RARA: variants seen among roughly 807,000 people sequenced by gnomAD.
The protein encoded by RARA is retinoic acid receptor alpha, also known as PML-DDX5-RARA fusion.
RARA carries 5 observed loss-of-function variants against 42.8 expected under a neutral mutation model. The observed-to-expected ratio is 0.12, with a 90% CI of 0.06 to 0.25. The LOEUF (loss-of-function observed/expected upper bound fraction) is 0.25, where lower values mean the gene tolerates loss of function less well. Ranked by LOEUF, RARA falls within the 10% of genes least tolerant of loss-of-function variation. The probability of loss-of-function intolerance (pLI) is 1.00; values close to 1 mark genes in which losing one functional copy is unlikely to be tolerated. For synonymous variants in RARA, 256 were observed against 259.5 expected (o/e 0.99, Z 0.13); for missense variants, 402 against 628.7 (o/e 0.64, Z 3.86).
intron 1 of RARA, among the ~76,000 whole-genome samples, chr17:40,315,171 TACACAC>T (rs71355449): frequency 1.7e-4 from 13 of 76,560 alleles, no homozygotes; most frequent in African/African-American, 7.0e-4. Flanking sequence ...TATATATATA[TACACAC>T]ACACACACAC....
Position 40,355,539 on chromosome 17 carries a change from T to A in RARA, c.1171+118T>A. ...AATACGACACCTGTCCCCATCTGTG[T>A]CTAGGCTGAGGTCCCCTAGTGACTC... On this transcript the variant is annotated intron_variant, in intron 8 of 8. Coordinates refer to ENST00000254066, the MANE Select transcript of RARA (RefSeq NM_000964.4). This position sits in a 1 kb window ranked among gnomAD's most constrained non-coding sequence, Gnocchi z 4.1. 1 of 1,373,122 alleles carries A rather than the reference T, an allele frequency of 7.3e-7. No individual in the cohort carries two copies. The highest frequency in any genetic ancestry group is 9.8e-7 in the Non-Finnish European group (1 of 1,024,448). The allele number at this position is 1,373,122 out of a possible 1,614,324, so 85.1% of individuals were successfully genotyped here. A position where few individuals can be genotyped will look rare whatever the true frequency, so the allele number is the denominator to read the frequency against.
chr17:40,339,162 G>A (rs1236229308), intron 2 of RARA, among the ~76,000 whole-genome samples: 1 of 152,242 alleles, frequency 6.6e-6, no homozygotes, highest in East Asian at 1.9e-4. Flanking sequence ...ATAGTGAGGG[G>A]CAGGGTAGAG....
chr17:40,356,773 A>T lies in RARA; in HGVS notation c.*547A>T. The T allele has an allele frequency of 2.0e-6, 1 of 511,368 alleles. No individual in the cohort carries two copies. The highest frequency in any genetic ancestry group is 1.9e-5 in the African/African-American group (1 of 51,710). The allele number at this position is 511,368 out of a possible 1,614,324, so 31.7% of individuals were successfully genotyped here. On this transcript the variant is annotated 3_prime_UTR_variant, in exon 9 of 9. Coordinates refer to ENST00000254066, the MANE Select transcript of RARA (RefSeq NM_000964.4). ...TAATTTTTTTGTTTTGATTTTTTTA[A>T]TAAGAATTTTCATTTTAAGCACATT...
intron 2 of RARA, chr17:40,342,478 C>G (rs1174474761): frequency 2.5e-5 from 31 of 1,254,810 alleles, no homozygotes; most frequent in Middle Eastern, 3.0e-4. Flanking sequence ...CGGACCCCCC[C>G]TCCCAGCACA....
At chr17:40,350,281 C>G (rs2034400379) in intron 4 of RARA, 1 of 242,010 alleles carries the variant, frequency 4.1e-6, no homozygotes, top group African/African-American at 2.3e-5. Context: ...CATAGGCAGT[C>G]CCTTCTGATT....
At position 40,331,302 on chromosome 17, in the gene RARA, C is replaced by T. The variant is rs2033684389; in HGVS notation, c.84C>T (p.Phe28=). The change falls in exon 2 of 9, where the codon TTC becomes TTT. Residue 28 remains phenylalanine, a synonymous_variant. Transcript: ENST00000254066. ...CGGTGCCTCCCTACGCCTTCTTCTT[C>T]CCCCCTATGCTGGGTGGACTCTCCC... The part of the protein sequence containing the change: ...GYPVPPYAFF[F]PPMLGGLSPP... 4 of 1,614,064 alleles carry T rather than the reference C, an allele frequency of 2.5e-6. No individual in the cohort carries two copies. Among genetic ancestry groups the T allele is most frequent in the African/African-American group, 2.7e-5 (2 of 75,036 alleles).
chr17:40,316,924 C>G (rs929409593), intron 1 of RARA, among the ~76,000 whole-genome samples: 1 of 152,218 alleles, frequency 6.6e-6, no homozygotes, highest in African/African-American at 2.4e-5. Context: ...CGGCCCAGCA[C>G]TGCTGGGGCA....
intron 1 of RARA, among the ~76,000 whole-genome samples, chr17:40,317,507 A>G (rs1265223357): frequency 6.7e-6 from 1 of 149,738 alleles, no homozygotes; most frequent in Non-Finnish European, 1.5e-5. Flanking sequence ...CTTGAGTGTG[A>G]GTCTTTGAGC....
At position 40,352,083 on chromosome 17, in the gene RARA, C is replaced by T. The variant is rs1286750948; in HGVS notation, c.630+13C>T. On this transcript the variant is annotated intron_variant, in intron 5 of 8. Transcript: ENST00000254066. The surrounding 1 kb of genome is among the most constrained non-coding windows in gnomAD (Gnocchi z 4.9). ...CAAATACACTACGGTATGGCTTTCCCCCGGCCTGCAGGGTGGGATTTGCCC... is the reference window on the plus strand; with the variant it reads ...CAAATACACTACGGTATGGCTTTCCTCCGGCCTGCAGGGTGGGATTTGCCC... 1.3e-6 allele frequency: 2 copies of T among 1,550,120 alleles called. No homozygotes were observed. Among genetic ancestry groups the T allele is most frequent in the Non-Finnish European group, 1.7e-6 (2 of 1,155,238 alleles).
chr17:40,328,699 G>T (rs537309371), intron 1 of RARA, among the ~76,000 whole-genome samples: 1 of 152,236 alleles, frequency 6.6e-6, no homozygotes, highest in East Asian at 1.9e-4. Context: ...CATGGTCTTT[G>T]TAACCGGTAT....
chr17:40,341,596 G>A, intron 2 of RARA: 1 of 1,361,940 alleles, frequency 7.3e-7, no homozygotes, highest in Non-Finnish European at 9.4e-7. Flanking sequence ...GCTGGCGAGC[G>A]GGTGATGTCA....
chr17:40,312,613 G>A (rs1417297290), intron 1 of RARA, among the ~76,000 whole-genome samples: 1 of 152,218 alleles, frequency 6.6e-6, no homozygotes, highest in Non-Finnish European at 1.5e-5. Context: ...CAGAGGGGCA[G>A]AAGACAGCAA....
intron 1 of RARA, among the ~76,000 whole-genome samples, chr17:40,323,780 T>C (rs1329102655): frequency 7.9e-6 from 1 of 126,954 alleles, no homozygotes; most frequent in African/African-American, 3.0e-5. Flanking sequence ...GGGCACAGTC[T>C]GACTCAGGCC....
chr17:40,310,980 G>A (rs1228467664), intron 1 of RARA, among the ~76,000 whole-genome samples: 2 of 152,158 alleles, frequency 1.3e-5, no homozygotes, highest in Non-Finnish European at 2.9e-5. Context: ...TTCCCCTAAT[G>A]CAGGTTGTAG....
At chr17:40,342,328 C>T in intron 2 of RARA, 2 of 1,074,206 alleles carry the variant, frequency 1.9e-6, no homozygotes, top group Non-Finnish European at 2.3e-6. Flanking sequence ...CCCCCAGCCC[C>T]GCGCTGATCC....
intron 1 of RARA, among the ~76,000 whole-genome samples, chr17:40,328,111 C>T (rs1447971107): frequency 6.6e-6 from 1 of 152,144 alleles, no homozygotes; most frequent in Non-Finnish European, 1.5e-5. Context: ...TACCTGTCCC[C>T]TCCCACCCTC....
chr17:40,332,562 G>A (rs919119577), intron 2 of RARA, among the ~76,000 whole-genome samples: 4 of 152,148 alleles, frequency 2.6e-5, no homozygotes, highest in East Asian at 3.9e-4. Context: ...CTGGCTGGGC[G>A]CCTCACTGCC....
chr17:40,356,328 T>G lies in RARA; in HGVS notation c.*102T>G. On this transcript the variant is annotated 3_prime_UTR_variant, in exon 9 of 9. Coordinates refer to ENST00000254066, the MANE Select transcript of RARA (RefSeq NM_000964.4). ...GCACCAGCCCTGCCCCCACCTGCCC[T>G]CCCGGGCAGTACTGGGGACCTTCCC... 1 of 1,267,616 alleles carries G rather than the reference T, an allele frequency of 7.9e-7. No homozygotes were observed. Among genetic ancestry groups the G allele is most frequent in the Non-Finnish European group, 1.1e-6 (1 of 898,772 alleles). The allele number at this position is 1,267,616 out of a possible 1,614,324, so 78.5% of individuals were successfully genotyped here. A position where few individuals can be genotyped will look rare whatever the true frequency, so the allele number is the denominator to read the frequency against.
At position 40,356,746 on chromosome 17, in the gene RARA, T is replaced by G. The variant is rs1256637453; in HGVS notation, c.*520T>G. 7.6e-6 allele frequency: 4 copies of G among 529,568 alleles called. No homozygotes were observed. The highest frequency in any genetic ancestry group is 2.3e-5 in the Admixed American group (1 of 42,862). The allele number at this position is 529,568 out of a possible 1,614,324, so 32.8% of individuals were successfully genotyped here. A position where few individuals can be genotyped will look rare whatever the true frequency, so the allele number is the denominator to read the frequency against. ...TAATTCTCGCTGGTTTTGTTTTTATTTTAATTTTTTTGTTTTGATTTTTTT... is the reference window on the plus strand; with the variant it reads ...TAATTCTCGCTGGTTTTGTTTTTATGTTAATTTTTTTGTTTTGATTTTTTT... On this transcript the variant is annotated 3_prime_UTR_variant, in exon 9 of 9. Transcript: ENST00000254066.
Sources: gnomAD v4.1 joint callset for allele counts (sites outside exome capture counted in the v4.1 genomes callset) on GRCh38, gnomAD v4.1.1 for gene constraint, Gnocchi (gnomAD v3.1) non-coding constraint, MANE v1.5 for transcripts, NCBI Gene and HGNC (gene_info 2026-07-23, HGNC 2026-07-21) for gene names.